The following ARFIP1 variants were observed in gnomAD, a reference collection of about 807,000 sequenced individuals.
ARFIP1 encodes the protein arfaptin-1.
In ARFIP1, 24 loss-of-function variants were observed where a neutral mutation model predicts 42.5. The ratio of observed to expected loss-of-function variants is 0.57; its 90% CI spans 0.41 to 0.80. The LOEUF (loss-of-function observed/expected upper bound fraction) is 0.80, where lower values mean the gene tolerates loss of function less well. ARFIP1 is among the 30% of genes least tolerant of loss of function. The probability of loss-of-function intolerance (pLI) is 0.00; values close to 1 mark genes in which losing one functional copy is unlikely to be tolerated. For missense variants in ARFIP1, 354 were observed against 434.0 expected (o/e 0.82, Z 1.64); for synonymous variants, 141 against 153.7 (o/e 0.92, Z 0.61).
intron 2 of ARFIP1, among the ~76,000 whole-genome samples, chr4:152,860,537 T>G (rs1336247948): frequency 6.6e-6 from 1 of 152,226 alleles, no homozygotes; most frequent in Non-Finnish European, 1.5e-5. Context: ...AGAGATTACC[T>G]TGAACCTACC....
Position 152,818,392 on chromosome 4 carries a change from G to T in ARFIP1, c.-9-11233G>T, listed in dbSNP as rs563979178. On this transcript the variant is annotated intron_variant, in intron 1 of 8. Transcript: ENST00000353617. ...CCTGTCCAGCACTGGAGCTGATTTA[G>T]TGAGCAGTGGGGAATATATGGGAAG... 2.0e-5 allele frequency among the ~76,000 whole-genome samples: 3 copies of T among 152,298 alleles called. 1 individual carries two copies. Among genetic ancestry groups the T allele is most frequent in the South Asian group, 4.1e-4 (2 of 4,830 alleles).
intron 1 of ARFIP1, among the ~76,000 whole-genome samples, chr4:152,799,673 G>A (rs1731682371): frequency 6.6e-6 from 1 of 152,164 alleles, no homozygotes; most frequent in African/African-American, 2.4e-5. Context: ...AGAGAATTAT[G>A]TATACGGTAC....
At chr4:152,880,450 T>G (rs1735741421) in intron 5 of ARFIP1, among the ~76,000 whole-genome samples, 1 of 152,054 alleles carries the variant, frequency 6.6e-6, no homozygotes, top group Non-Finnish European at 1.5e-5. Context: ...TAAAAGTAAC[T>G]TAGTAGTTTC....
At chr4:152,843,536 G>A (rs1466384632) in intron 2 of ARFIP1, among the ~76,000 whole-genome samples, 1 of 152,168 alleles carries the variant, frequency 6.6e-6, no homozygotes, top group Non-Finnish European at 1.5e-5. Flanking sequence ...GGACCATCAG[G>A]TAGGGGCAGG....
chr4:152,871,342 A>G (rs541482166), intron 4 of ARFIP1, among the ~76,000 whole-genome samples: 6 of 152,344 alleles, frequency 3.9e-5, no homozygotes, highest in African/African-American at 1.4e-4. Context: ...GTTATACCCA[A>G]TGAAAAATAC....
chr4:152,887,738 C>G (rs1736380563), intron 7 of ARFIP1, among the ~76,000 whole-genome samples: 1 of 152,044 alleles, frequency 6.6e-6, no homozygotes, highest in African/African-American at 2.4e-5. Flanking sequence ...ATTTACACTT[C>G]CGTTAGTTTT....
intron 8 of ARFIP1, among the ~76,000 whole-genome samples, chr4:152,891,186 G>A (rs1321262677): frequency 6.6e-6 from 1 of 152,192 alleles, no homozygotes; most frequent in Non-Finnish European, 1.5e-5. Flanking sequence ...CATTGAGGGT[G>A]AAGATTTCAG....
intron 2 of ARFIP1, among the ~76,000 whole-genome samples, chr4:152,861,739 T>G (rs1733909736): frequency 6.6e-6 from 1 of 152,328 alleles, no homozygotes; most frequent in South Asian, 2.1e-4. Flanking sequence ...GAAATTAACT[T>G]CTGAAAGGGC....
chr4:152,873,588 C>G (rs991983402), intron 5 of ARFIP1, among the ~76,000 whole-genome samples: 3 of 152,208 alleles, frequency 2.0e-5, no homozygotes, highest in African/African-American at 7.2e-5. Flanking sequence ...TCACGGATTT[C>G]TATTGCATCT....
intron 3 of ARFIP1, among the ~76,000 whole-genome samples, chr4:152,867,127 T>C (rs1049285100): frequency 1.3e-5 from 2 of 151,866 alleles, no homozygotes; most frequent in African/African-American, 4.9e-5. Flanking sequence ...CTCGGCACTT[T>C]GGGAGGCCAA....
intron 2 of ARFIP1, 52 bp downstream of exon 2, chr4:152,829,778 A>T (rs1314686816): frequency 1.5e-6 from 2 of 1,368,200 alleles, no homozygotes; most frequent in Non-Finnish European, 2.0e-6. Context: ...AAGTCTTTAA[A>T]TGTTGAGATG....
chr4:152,885,104 G>A (rs1736155912), intron 7 of ARFIP1, among the ~76,000 whole-genome samples: 5 of 152,032 alleles, frequency 3.3e-5, no homozygotes, highest in Non-Finnish European at 1.5e-5. Flanking sequence ...TGAAATAGCT[G>A]TGGAATTGGC....
intron 1 of ARFIP1, among the ~76,000 whole-genome samples, chr4:152,828,467 G>A (rs1490415346): frequency 1.3e-5 from 2 of 152,182 alleles, no homozygotes; most frequent in Non-Finnish European, 2.9e-5. Context: ...GACATATGAT[G>A]TTGAACATCT....
intron 2 of ARFIP1, among the ~76,000 whole-genome samples, chr4:152,858,113 G>A (rs1320710981): frequency 2.0e-5 from 3 of 152,080 alleles, no homozygotes; most frequent in Admixed American, 6.5e-5. Flanking sequence ...GCAACATGGC[G>A]AAACTCCATC....
chr4:152,880,417 C>T (rs114742543), intron 5 of ARFIP1, among the ~76,000 whole-genome samples: 238 of 152,012 alleles, frequency 1.6e-3, no homozygotes, highest in African/African-American at 5.4e-3. Flanking sequence ...AACATAACAT[C>T]ATATAATACC....
chr4:152,784,708 A>G (rs1578791012), intron 1 of ARFIP1, among the ~76,000 whole-genome samples: 1 of 152,272 alleles, frequency 6.6e-6, no homozygotes, highest in Non-Finnish European at 1.5e-5. Flanking sequence ...GGGTATTTGG[A>G]AAAAATCAGA....
At chr4:152,809,656 C>T (rs1729293508) in intron 1 of ARFIP1, 3 of 152,232 alleles carry the variant, frequency 2.0e-5, no homozygotes, top group South Asian at 2.1e-4. Context: ...TTATCCCCAA[C>T]TTTGACCCAT....
chr4:152,863,433 G>GTATTTGCTGCTGATTATACATCATTA (rs1734043412), intron 2 of ARFIP1, among the ~76,000 whole-genome samples, 173 bp from the exon 3 acceptor site: 1 of 152,200 alleles, frequency 6.6e-6, no homozygotes, highest in East Asian at 1.9e-4. Context: ...AAATCTTGCT[G>GTATTTGCTGCTGATTATACATCATTA]TATTTGCTGC....
intron 5 of ARFIP1, among the ~76,000 whole-genome samples, chr4:152,872,962 AC>A (rs1359325074): frequency 2.6e-5 from 4 of 152,210 alleles, no homozygotes; most frequent in Admixed American, 6.5e-5. Context: ...TACTATAATA[AC>A]TAAGCATTAA....
Sources: gnomAD v4.1 joint callset for allele counts (sites outside exome capture counted in the v4.1 genomes callset) on GRCh38, gnomAD v4.1.1 for gene constraint, MANE v1.5 for transcripts, NCBI Gene and HGNC (gene_info 2026-07-23, HGNC 2026-07-21) for gene names.